The following PGM2L1 variants were observed in gnomAD, a reference collection of about 807,000 sequenced individuals.
PGM2L1 encodes phosphoglucomutase 2 like 1.
A neutral mutation model predicts 73.4 loss-of-function variants in PGM2L1; 35 were observed. The ratio of observed to expected loss-of-function variants is 0.48; its 90% confidence interval spans 0.36 to 0.63. The LOEUF is 0.63. Among genes scored for constraint, PGM2L1 ranks in the 30% least tolerant of loss-of-function variants. The pLI, the probability that PGM2L1 is intolerant of heterozygous loss-of-function variation, is 0.00. For synonymous variants in PGM2L1, 225 were observed against 253.8 expected (o/e 0.89, Z 1.08); for missense variants, 570 against 742.0 (o/e 0.77, Z 2.69).
chr11:74,359,471 A>G (rs995747403), intron 5 of PGM2L1, among the ~76,000 whole-genome samples: 2 of 152,088 alleles, frequency 1.3e-5, no homozygotes, highest in African/African-American at 2.4e-5. Context: ...TTCTTAATAT[A>G]CAAGCACAAG....
chr11:74,363,152 G>A (rs1862593539), intron 5 of PGM2L1, among the ~76,000 whole-genome samples: 1 of 152,136 alleles, frequency 6.6e-6, no homozygotes, highest in South Asian at 2.1e-4. Context: ...GGTACATAAT[G>A]AAATGAAGGC....
Position 74,381,139 on chromosome 11 carries a change from A to G in PGM2L1, c.112-6557T>C, listed in dbSNP as rs116936669. ...AAGTTCAAGGGTTCCAGTAGCATCT[A>G]TTACTAGCTTTATGACCTTGAACAG... On this transcript the variant is annotated intron_variant, in intron 1 of 13. Coordinates refer to ENST00000298198, the MANE Select transcript of PGM2L1 (RefSeq NM_173582.6). Among the ~76,000 whole-genome samples the G allele has an allele frequency of 4.2e-3, 644 of 152,324 alleles. 5 individuals carry two copies. Among genetic ancestry groups the G allele is most frequent in the South Asian group, 0.016 (78 of 4,828 alleles).
chr11:74,368,588 T>C lies in PGM2L1; in HGVS notation c.472-13A>G. 1 of 1,607,640 alleles carries C rather than the reference T, an allele frequency of 6.2e-7. No homozygotes were observed. The highest frequency in any genetic ancestry group is 8.5e-7 in the Non-Finnish European group (1 of 1,174,422). The stretch of plus-strand genomic sequence containing the variant: ...GAACTGCATATGGCTGAAAAATAAA[T>C]AACACCATAATTCCATTTTGCTTCC... On this transcript the variant is annotated splice_polypyrimidine_tract_variant and intron_variant, in intron 4 of 13. Coordinates refer to ENST00000298198, the MANE Select transcript of PGM2L1 (RefSeq NM_173582.6).
At chr11:74,359,932 C>A (rs1408596487) in intron 5 of PGM2L1, among the ~76,000 whole-genome samples, 1 of 152,144 alleles carries the variant, frequency 6.6e-6, no homozygotes, top group Non-Finnish European at 1.5e-5. Context: ...TGTTCAACAG[C>A]AATGAATATC....
intron 5 of PGM2L1, chr11:74,354,471 C>T (rs1377695278): frequency 2.1e-6 from 2 of 964,712 alleles, no homozygotes; most frequent in African/African-American, 3.2e-5. Flanking sequence ...CCTAAAGAGC[C>T]TGAACAGCTG....
intron 2 of PGM2L1, among the ~76,000 whole-genome samples, chr11:74,374,208 C>T (rs757189594): frequency 1.3e-5 from 2 of 152,106 alleles, no homozygotes; most frequent in African/African-American, 2.4e-5. Flanking sequence ...CTCAGCCTCC[C>T]GGGTAGCTGG....
At position 74,368,560 on chromosome 11, in the gene PGM2L1, T is replaced by G. The variant is rs1353447034; in HGVS notation, c.487A>C (p.Lys163Gln). 6 of 1,613,794 alleles carry G rather than the reference T, an allele frequency of 3.7e-6. No homozygotes were observed. The highest frequency in any genetic ancestry group is 5.1e-6 in the Non-Finnish European group (6 of 1,179,738). ...ATCACACCTGCAACTGCTTTGAGCT[T>G]CTGAACTGCATATGGCTGAAAAATA... ...PTPFVPYAVQ[K>Q]LKAVAGVMIT... The change falls in exon 5 of 14, where the codon AAG becomes CAG. Residue 163 changes from lysine (K) to glutamine (Q), a missense_variant. By Grantham distance (53) the Lys-to-Gln change is moderately conservative (BLOSUM62 1). Transcript: ENST00000298198.
At chr11:74,363,118 C>T (rs1286499400) in intron 5 of PGM2L1, among the ~76,000 whole-genome samples, 1 of 152,156 alleles carries the variant, frequency 6.6e-6, no homozygotes, top group African/African-American at 2.4e-5. Flanking sequence ...GGAAACTGAA[C>T]AACCTGCTCC....
chr11:74,373,964 A>T (rs1016444341), intron 2 of PGM2L1, among the ~76,000 whole-genome samples: 23 of 151,454 alleles, frequency 1.5e-4, no homozygotes, highest in African/African-American at 5.6e-4. Flanking sequence ...AATTGAGTCT[A>T]CAGTTTTTAC....
At chr11:74,360,997 G>A (rs971383618) in intron 5 of PGM2L1, among the ~76,000 whole-genome samples, 1 of 152,230 alleles carries the variant, frequency 6.6e-6, no homozygotes, top group Admixed American at 6.5e-5. Flanking sequence ...ACAAAAGGCG[G>A]CAGAAACCTC....
Position 74,343,384 on chromosome 11 carries a change from AC to A in PGM2L1, c.1250del (p.Ser417IlefsTer3). 6.2e-7 allele frequency: 1 copy of A among 1,611,710 alleles called. No individual in the cohort carries two copies. The highest frequency in any genetic ancestry group is 8.5e-7 in the Non-Finnish European group (1 of 1,179,378). Reference protein sequence around the residue: ...ETLPGFKWIGSRIIDLLENGK... With the variant: ...ETLPGFKWIGXRIIDLLENGK... Reference sequence around the variant, plus strand: ...CATTTTCCAGGAGGTCTATTATCCTACTTCCAATCCATTTAAAACCTGGTAA... The same window carrying A: ...CATTTTCCAGGAGGTCTATTATCCTATTCCAATCCATTTAAAACCTGGTAA... On this transcript the variant is annotated frameshift_variant, in exon 10 of 14. Coordinates refer to ENST00000298198, the MANE Select transcript of PGM2L1 (RefSeq NM_173582.6). LOFTEE classifies it high-confidence loss of function.
At chr11:74,339,505 T>G (rs1862151764) in intron 12 of PGM2L1, among the ~76,000 whole-genome samples, 1 of 152,198 alleles carries the variant, frequency 6.6e-6, no homozygotes, top group Non-Finnish European at 1.5e-5. Context: ...TACATTACCA[T>G]ATACCAGTGA....
At chr11:74,392,735 C>T (rs623496) in intron 1 of PGM2L1, among the ~76,000 whole-genome samples, 112,326 of 151,882 alleles carry the variant, frequency 0.74, 42,476 homozygotes, top group Non-Finnish European at 0.83. Flanking sequence ...AGAGACGGGG[C>T]TTCACCATGT....
intron 1 of PGM2L1, among the ~76,000 whole-genome samples, chr11:74,387,325 T>C (rs377057827): frequency 7.2e-5 from 11 of 152,308 alleles, no homozygotes; most frequent in African/African-American, 2.6e-4. Flanking sequence ...CCCCTCTCTC[T>C]ACACTTCTCT....
chr11:74,364,703 C>A (rs28773030), intron 5 of PGM2L1, among the ~76,000 whole-genome samples: 3 of 151,814 alleles, frequency 2.0e-5, no homozygotes, highest in African/African-American at 7.3e-5. Context: ...CACTACTCAA[C>A]GAAATAAAAG....
In PGM2L1 at chr11:74,371,818, C is replaced by CT. The variant is rs780330343; in HGVS notation, c.280-2dup. 6.2e-7 allele frequency: 1 copy of CT among 1,605,688 alleles called. No homozygotes were observed. On this transcript the variant is annotated splice_acceptor_variant, in intron 2 of 13. Coordinates refer to ENST00000298198, the MANE Select transcript of PGM2L1 (RefSeq NM_173582.6). LOFTEE classifies it high-confidence loss of function. ...ATCTCTCAAGGTATTTGTACATCCC[C>CT]TGAAGCAAATAAACACAAAAGATTA...
intron 5 of PGM2L1, among the ~76,000 whole-genome samples, chr11:74,364,389 A>C (rs1862618327): frequency 6.6e-6 from 1 of 152,222 alleles, no homozygotes; most frequent in Admixed American, 6.5e-5. Context: ...AGAAAGAAAT[A>C]AAGGGTATTC....
chr11:74,385,182 T>G (rs1048400662), intron 1 of PGM2L1, among the ~76,000 whole-genome samples: 3 of 152,212 alleles, frequency 2.0e-5, no homozygotes, highest in Admixed American at 2.0e-4. Context: ...CCAAATTACC[T>G]CATCTGTCAT....
In PGM2L1 at chr11:74,345,567, A is replaced by C; in HGVS notation, c.1120T>G (p.Ser374Ala). Residue 374 changes from serine (S) to alanine (A), a missense_variant, in exon 9 of 14, where the codon TCA (serine) becomes GCA (alanine). Physicochemically the swap from Ser to Ala is moderately conservative, Grantham distance 99. Transcript: ENST00000298198. ...ACGTTCTTCACATCAGCATTTCTTG[A>C]TTTATTTTTCTTCCAGCAATCAAAC... ...WMFDCWKKNK[S>A]RNADVKNVYM... The C allele has an allele frequency of 6.2e-7, 1 of 1,613,634 alleles. No individual in the cohort carries two copies. The highest frequency in any genetic ancestry group is 8.5e-7 in the Non-Finnish European group (1 of 1,179,698).
Sources: gnomAD v4.1 joint callset for allele counts (sites outside exome capture counted in the v4.1 genomes callset) on GRCh38, gnomAD v4.1.1 for gene constraint, MANE v1.5 for transcripts, NCBI Gene and HGNC (gene_info 2026-07-23, HGNC 2026-07-21) for gene names.